The following UQCC1 variants were observed in gnomAD, a reference collection of about 807,000 sequenced individuals.
The protein encoded by UQCC1 is bFGF-repressed Zic-binding protein.
In UQCC1, 38 loss-of-function variants were observed where a neutral mutation model predicts 48.0. The ratio of observed to expected loss-of-function variants is 0.79; its 90% CI spans 0.61 to 1.04. The LOEUF (loss-of-function observed/expected upper bound fraction) is 1.04. Among genes scored for constraint, UQCC1 ranks in the 50% least tolerant of loss-of-function variants. The pLI, the probability that UQCC1 is intolerant of heterozygous loss-of-function variation, is 0.00. For synonymous variants in UQCC1, 111 were observed against 129.2 expected, an observed-to-expected ratio of 0.86 and a Z score of 0.95; for missense variants, 368 against 381.8, an observed-to-expected ratio of 0.96 and a Z score of 0.30.
At chr20:35,326,616 C>T (rs779206005) in intron 7 of UQCC1, among the ~76,000 whole-genome samples, 33 of 152,162 alleles carry the variant, frequency 2.2e-4, no homozygotes, top group Non-Finnish European at 3.5e-4. Flanking sequence ...ATCATTACTC[C>T]GGGCCCTCTG....
At chr20:35,322,225 G>A (rs914482067) in intron 7 of UQCC1, among the ~76,000 whole-genome samples, 3 of 152,094 alleles carry the variant, frequency 2.0e-5, no homozygotes, top group Non-Finnish European at 2.9e-5. Context: ...CTGATGGTGC[G>A]GAGTCCTAAA....
intron 5 of UQCC1, among the ~76,000 whole-genome samples, chr20:35,368,171 C>T (rs960489094): frequency 1.3e-5 from 2 of 152,148 alleles, no homozygotes; most frequent in African/African-American, 2.4e-5. Flanking sequence ...CATCAAGGTA[C>T]ATGATGTACT....
chr20:35,309,148 T>C (rs2060961947), intron 8 of UQCC1: 2 of 455,932 alleles, frequency 4.4e-6, no homozygotes, highest in Non-Finnish European at 4.4e-6. Context: ...GAACCTGGCA[T>C]AGAGTGGGAG....
In UQCC1 at chr20:35,410,724, AC is replaced by A. The variant is rs1371374667; in HGVS notation, c.24+1215del. Among the ~76,000 whole-genome samples, 562 of 115,626 alleles carry A rather than the reference AC, an allele frequency of 4.9e-3. 19 individuals carry two copies. Among genetic ancestry groups the A allele is most frequent in the Non-Finnish European group, 6.8e-3 (386 of 57,136 alleles). The allele number at this position is 115,626 out of a possible 152,430, so 75.9% of individuals were successfully genotyped here. On this transcript the variant is annotated intron_variant, in intron 1 of 9. Coordinates refer to ENST00000374385, the MANE Select transcript of UQCC1 (RefSeq NM_018244.5). ...TGCCTCAAAAAAAAAAAAAAAAAAA[AC>A]AAAACCCTAAAGGGTGGCAGGGGAA...
At chr20:35,310,549 G>A (rs1458695174) in intron 8 of UQCC1, among the ~76,000 whole-genome samples, 1 of 148,760 alleles carries the variant, frequency 6.7e-6, no homozygotes, top group Non-Finnish European at 1.5e-5. Flanking sequence ...AGGAGGCTGA[G>A]GCAGGAGAAT....
intron 8 of UQCC1, among the ~76,000 whole-genome samples, chr20:35,314,354 T>C (rs997497517): frequency 7.9e-5 from 12 of 151,718 alleles, no homozygotes; most frequent in Non-Finnish European, 1.5e-4. Flanking sequence ...TTTACGTGAA[T>C]ATCCTCCTCT....
At chr20:35,367,189 C>A (rs2061679742) in intron 5 of UQCC1, among the ~76,000 whole-genome samples, 1 of 151,698 alleles carries the variant, frequency 6.6e-6, no homozygotes, top group Admixed American at 6.6e-5. Context: ...TGTTATGTGG[C>A]CTTGGACAAA....
At chr20:35,407,091 T>G (rs1435741739) in intron 1 of UQCC1, among the ~76,000 whole-genome samples, 1 of 152,148 alleles carries the variant, frequency 6.6e-6, no homozygotes, top group Non-Finnish European at 1.5e-5. Context: ...AATGGCTTCA[T>G]GACATTGGAT....
rs776504493 is a variant in UQCC1 at position 35,374,258 on chromosome 20, T to C, written c.334-2A>G. 1 of 1,609,030 alleles carries C rather than the reference T, an allele frequency of 6.2e-7. No individual in the cohort carries two copies. Among genetic ancestry groups the C allele is most frequent in the South Asian group, 1.1e-5 (1 of 89,730 alleles). On this transcript the variant is annotated splice_acceptor_variant, in intron 4 of 9. Coordinates refer to ENST00000374385, the MANE Select transcript of UQCC1 (RefSeq NM_018244.5). LOFTEE classifies it high-confidence loss of function. ...GCGCAGGGCCGCAATCTTAATCTTC[T>C]AGACAAAGAGAATAAAACCAAACTC...
chr20:35,392,730 A>G (rs995160871), intron 2 of UQCC1, among the ~76,000 whole-genome samples: 7 of 152,146 alleles, frequency 4.6e-5, no homozygotes, highest in Non-Finnish European at 8.8e-5. Context: ...GAAATACAAG[A>G]AAAAAGCAAG....
At chr20:35,327,784 C>A (rs1413892368) in intron 7 of UQCC1, among the ~76,000 whole-genome samples, 1 of 152,046 alleles carries the variant, frequency 6.6e-6, no homozygotes, top group Admixed American at 6.6e-5. Flanking sequence ...GGCAGATCAC[C>A]TGAGGTCAGG....
rs750357889 is a variant in UQCC1 at position 35,303,928 on chromosome 20, C to T, written c.*7G>A. 8.7e-6 allele frequency: 14 copies of T among 1,614,066 alleles called. No individual in the cohort carries two copies. The highest frequency in any genetic ancestry group is 5.0e-5 in the Admixed American group (3 of 60,010). ...CAGCTGGCGGGCCGTGCGGAGGGCC[C>T]AGCCCATCAAAGTCCCTCGTCGTTG... On this transcript the variant is annotated 3_prime_UTR_variant, in exon 10 of 10. Coordinates refer to ENST00000374385, the MANE Select transcript of UQCC1 (RefSeq NM_018244.5).
At chr20:35,391,818 A>T (rs2062018055) in intron 2 of UQCC1, among the ~76,000 whole-genome samples, 1 of 152,218 alleles carries the variant, frequency 6.6e-6, no homozygotes, top group African/African-American at 2.4e-5. Flanking sequence ...CACCATGGTT[A>T]TGTAAGAGGT....
At position 35,319,288 on chromosome 20, in the gene UQCC1, T is replaced by A. The variant is rs1378076149; in HGVS notation, c.574-4523A>T. On this transcript the variant is annotated intron_variant, in intron 7 of 9. Transcript: ENST00000374385. ...TTTTTATTGAGTACATAAACTATGA[T>A]GTCACCTCTAGCCAACCACAGGCCT... 3.3e-5 allele frequency among the ~76,000 whole-genome samples: 5 copies of A among 152,280 alleles called. No homozygotes were observed. The East Asian group carries it at 9.6e-4, about 29-fold the overall frequency.
chr20:35,306,878 C>A, intron 8 of UQCC1, 99 bp from the exon 9 acceptor site: 1 of 925,094 alleles, frequency 1.1e-6, no homozygotes, highest in Non-Finnish European at 1.8e-6. Context: ...ATGGAATCAG[C>A]TCAGAAGGGC....
intron 7 of UQCC1, among the ~76,000 whole-genome samples, chr20:35,341,094 G>A (rs1377132593): frequency 2.0e-5 from 3 of 151,730 alleles, no homozygotes; most frequent in Non-Finnish European, 2.9e-5. Flanking sequence ...TATGGTGCAC[G>A]CCTGTAATCC....
At chr20:35,340,763 C>G (rs2061368346) in intron 7 of UQCC1, among the ~76,000 whole-genome samples, 1 of 152,056 alleles carries the variant, frequency 6.6e-6, no homozygotes, top group Admixed American at 6.6e-5. Flanking sequence ...TAATTCTGAC[C>G]TAGAGATGCA....
At chr20:35,321,711 A>G (rs554373387) in intron 7 of UQCC1, among the ~76,000 whole-genome samples, 2 of 152,342 alleles carry the variant, frequency 1.3e-5, no homozygotes, top group African/African-American at 4.8e-5. Flanking sequence ...ATAATAATAC[A>G]AACCCCTTTC....
chr20:35,394,085 A>G lies in UQCC1; in HGVS notation c.129+7T>C, dbSNP rs962140890. The G allele has an allele frequency of 6.2e-7, 1 of 1,611,722 alleles. No individual in the cohort carries two copies. The highest frequency in any genetic ancestry group is 1.3e-5 in the African/African-American group (1 of 74,834). On this transcript the variant is annotated splice_region_variant and intron_variant, in intron 2 of 9. Coordinates refer to ENST00000374385, the MANE Select transcript of UQCC1 (RefSeq NM_018244.5). ...TTCATACTAAGCAAAAGAACAACAA[A>G]TCTTACCTGGGAAGTGCGAGACAGA...
Sources: gnomAD v4.1 joint callset for allele counts (sites outside exome capture counted in the v4.1 genomes callset) on GRCh38, gnomAD v4.1.1 for gene constraint, MANE v1.5 for transcripts, NCBI Gene and HGNC (gene_info 2026-07-23, HGNC 2026-07-21) for gene names.